Variants in ELFN1 observed in about 807,000 individuals in gnomAD.
The protein encoded by ELFN1 is extracellular leucine rich repeat and fibronectin type III domain containing 1.
A neutral mutation model predicts 7.6 loss-of-function variants in ELFN1; 6 were observed. The ratio of observed to expected loss-of-function variants is 0.79; its 90% CI spans 0.43 to 1.56. ELFN1 has a LOEUF of 1.56. ELFN1 is among the 40% of genes most tolerant of loss of function. The probability of loss-of-function intolerance (pLI) is 0.01; values close to 1 mark genes in which losing one functional copy is unlikely to be tolerated. For synonymous variants in ELFN1, 657 were observed against 588.1 expected, an observed-to-expected ratio of 1.12 and a Z score of -1.70; for missense variants, 1,169 against 1,232.2, an observed-to-expected ratio of 0.95 and a Z score of 0.77.
At chr7:1,724,954 G>A (rs1780144716) in intron 3 of ELFN1, among the ~76,000 whole-genome samples, 1 of 152,196 alleles carries the variant, frequency 6.6e-6, no homozygotes, top group South Asian at 2.1e-4. Context: ...GATGTGAGGT[G>A]CTAGCCCCCT....
rs1780784945 is a variant in ELFN1 at position 1,746,240 on chromosome 7, C to A, written c.1644C>A (p.Ser548Arg). The change falls in exon 4 of 4, where the codon AGC (serine) becomes AGA (arginine). Residue 548 changes from serine to arginine, a missense_variant. This residue lies in a region of ELFN1 where 914 missense variants were observed against 872.6 expected (regional missense o/e 1.05). Transcript: ENST00000424383. The stretch of plus-strand genomic sequence containing the variant: ...AGCTGGGCCGGCCGGGCCCCGACAG[C>A]CAGAGTTCGGTGGCCGAGATCTCCA... The part of the protein sequence containing the change: ...DCELGRPGPD[S>R]QSSVAEISTI... 2 of 1,472,930 alleles carry A rather than the reference C, an allele frequency of 1.4e-6. No homozygotes were observed. The highest frequency in any genetic ancestry group is 1.4e-5 in the South Asian group (1 of 72,176). The allele number at this position is 1,472,930 out of a possible 1,614,324, so 91.2% of individuals were successfully genotyped here.
rs139773164 is a variant in ELFN1, at chr7:1,704,693, C to T, written c.-455-4398C>T. On this transcript the variant is annotated intron_variant, in intron 2 of 3. Coordinates refer to ENST00000424383, the MANE Select transcript of ELFN1 (RefSeq NM_001128636.4). ...TCCCTCACTCTGAGACCCCACATCA[C>T]GTCACCCCTGCGAGGTCAGTGCCAG... 4.4e-3 allele frequency among the ~76,000 whole-genome samples: 676 copies of T among 152,234 alleles called. 5 individuals carry two copies. The highest frequency in any genetic ancestry group is 0.016 in the African/African-American group (648 of 41,540).
intron 1 of ELFN1, among the ~76,000 whole-genome samples, chr7:1,676,428 G>C (rs1778873009): frequency 6.6e-6 from 1 of 152,242 alleles, no homozygotes; most frequent in Non-Finnish European, 1.5e-5. Context: ...CGTGACCTGA[G>C]GTGGGTCCCT....
chr7:1,747,356 G>T lies in ELFN1; in HGVS notation c.*273G>T. On this transcript the variant is annotated 3_prime_UTR_variant, in exon 4 of 4. Transcript: ENST00000424383. ...CACACGAGGGACTTCGGAAAACTGT[G>T]TCTTAGGGATGGGGGGTGGGGGTGG... 1 of 214,940 alleles carries T rather than the reference G, an allele frequency of 4.7e-6. No homozygotes were observed. The allele number at this position is 214,940 out of a possible 1,614,324, so 13.3% of individuals were successfully genotyped here. A position where few individuals can be genotyped will look rare whatever the true frequency, so the allele number is the denominator to read the frequency against.
chr7:1,667,838 C>A (rs976584902), upstream of ELFN1, among the ~76,000 whole-genome samples: 1 of 152,138 alleles, frequency 6.6e-6, no homozygotes, highest in African/African-American at 2.4e-5. This position sits in a 1 kb window ranked among gnomAD's most constrained non-coding sequence, Gnocchi z 8.2. Flanking sequence ...GACAGATGTC[C>A]TCGCGGCGGC....
chr7:1,666,106 C>A (rs1241612272), upstream of ELFN1, among the ~76,000 whole-genome samples: 3 of 151,950 alleles, frequency 2.0e-5, no homozygotes, highest in African/African-American at 7.2e-5. The surrounding 1 kb of genome is among the most constrained non-coding windows in gnomAD (Gnocchi z 7.9). Flanking sequence ...CTCGGGGAAC[C>A]GGGGTGCGCG....
chr7:1,711,057 C>T (rs1393986747), intron 3 of ELFN1, among the ~76,000 whole-genome samples: 1 of 152,230 alleles, frequency 6.6e-6, no homozygotes, highest in African/African-American at 2.4e-5. Context: ...ACTCAAATGC[C>T]AGCCCCTACC....
chr7:1,741,591 C>T (rs901373335), intron 3 of ELFN1, among the ~76,000 whole-genome samples: 9 of 152,008 alleles, frequency 5.9e-5, no homozygotes, highest in African/African-American at 1.5e-4. Context: ...CATGGTGGTA[C>T]GGAAAGGGCT....
chr7:1,738,924 G>T, intron 3 of ELFN1: 1 of 152,194 alleles, frequency 6.6e-6, no homozygotes. Context: ...AGTGAATTCG[G>T]GGTGCAGAGC....
intron 3 of ELFN1, among the ~76,000 whole-genome samples, chr7:1,713,481 C>T (rs1273440807): frequency 6.6e-6 from 1 of 152,200 alleles, no homozygotes; most frequent in Non-Finnish European, 1.5e-5. Flanking sequence ...AAGCCCCTGC[C>T]CCTCCCCTCC....
chr7:1,745,528 C>T lies in ELFN1; in HGVS notation c.932C>T (p.Thr311Met), dbSNP rs1485225829. 18 of 1,547,090 alleles carry T rather than the reference C, an allele frequency of 1.2e-5. 1 individual carries two copies. The highest frequency in any genetic ancestry group is 3.9e-5 in the Admixed American group (2 of 50,982). ...CTGGTGGCCCTGCCCACGCTGGCCA[C>T]GCAGGCCGAGGCCCGCCCCCTCATC... is the stretch of plus-strand genomic sequence containing the variant. ...TPLVALPTLA[T>M]QAEARPLIKV... The change falls in exon 4 of 4, where the codon ACG (threonine) becomes ATG (methionine). Residue 311 changes from threonine (T) to methionine (M), a missense_variant. This residue lies in a region of ELFN1 where 914 missense variants were observed against 872.6 expected (regional missense o/e 1.05). Transcript: ENST00000424383.
At chr7:1,727,709 A>G (rs888878204) in intron 3 of ELFN1, among the ~76,000 whole-genome samples, 1 of 152,058 alleles carries the variant, frequency 6.6e-6, no homozygotes, top group Non-Finnish European at 1.5e-5. Flanking sequence ...CCTGGGCTCA[A>G]GGAATCCTCC....
intron 1 of ELFN1, among the ~76,000 whole-genome samples, chr7:1,676,683 G>A (rs1778877227): frequency 6.6e-6 from 1 of 152,236 alleles, no homozygotes; most frequent in South Asian, 2.1e-4. Flanking sequence ...AGGGAAGGAG[G>A]ATGCTGGGGA....
At chr7:1,674,590 G>A (rs974944344) in intron 1 of ELFN1, among the ~76,000 whole-genome samples, 6 of 152,156 alleles carry the variant, frequency 3.9e-5, no homozygotes, top group African/African-American at 1.4e-4. Context: ...GGCCCCCAGA[G>A]CAGTGAGGGG....
At chr7:1,668,999 C>T (rs146290552), upstream of ELFN1, among the ~76,000 whole-genome samples, 1,781 of 152,298 alleles carry the variant, frequency 0.012, 17 homozygotes, top group Non-Finnish European at 0.021. Context: ...CCGAAGGAGG[C>T]CACAAGCTCT....
intron 3 of ELFN1, chr7:1,742,331 C>T (rs957510381): frequency 1.1e-4 from 16 of 152,298 alleles, no homozygotes; most frequent in Admixed American, 1.0e-3. Flanking sequence ...AGGCCGGGCA[C>T]AGCCGGACGC....
chr7:1,700,457 A>G (rs1423888371), intron 2 of ELFN1, among the ~76,000 whole-genome samples: 1 of 152,178 alleles, frequency 6.6e-6, no homozygotes, highest in Non-Finnish European at 1.5e-5. Context: ...ATCTTTGCAT[A>G]CTTCTTCCCT....
At chr7:1,708,458 G>C (rs776146544) in intron 2 of ELFN1, among the ~76,000 whole-genome samples, 5 of 152,228 alleles carry the variant, frequency 3.3e-5, no homozygotes, top group Admixed American at 2.0e-4. Flanking sequence ...TTGGGCCTGA[G>C]GCTTCTGCCT....
At chr7:1,696,369 T>A (rs887992148) in intron 2 of ELFN1, among the ~76,000 whole-genome samples, 3 of 149,534 alleles carry the variant, frequency 2.0e-5, no homozygotes, top group Admixed American at 1.3e-4. Context: ...GGCATGCAGA[T>A]GCCCTGGTGT....
Sources: gnomAD v4.1 joint callset for allele counts (sites outside exome capture counted in the v4.1 genomes callset) on GRCh38, gnomAD v4.1.1 for gene constraint, gnomAD v4.1.1 regional missense constraint, Gnocchi (gnomAD v3.1) non-coding constraint, MANE v1.5 for transcripts, NCBI Gene and HGNC (gene_info 2026-07-23, HGNC 2026-07-21) for gene names.